Variants in CRYBB2 observed in about 807,000 individuals in gnomAD.
CRYBB2 encodes the protein beta-crystallin B2.
CRYBB2 carries 12 observed loss-of-function variants against 24.3 expected under a neutral mutation model. The observed-to-expected ratio is 0.49, with a 90% CI of 0.32 to 0.80. The LOEUF (loss-of-function observed/expected upper bound fraction) is 0.80. CRYBB2 is among the 30% of genes least tolerant of loss of function. The pLI is 0.04. For synonymous variants in CRYBB2, 98 were observed against 101.6 expected, an observed-to-expected ratio of 0.96 and a Z score of 0.21; for missense variants, 198 against 268.5, an observed-to-expected ratio of 0.74 and a Z score of 1.83.
chr22:25,218,778 A>AAAGAAAG, upstream of CRYBB2, among the ~76,000 whole-genome samples: 1 of 23,728 alleles, frequency 4.2e-5, no homozygotes, highest in East Asian at 1.4e-3. Flanking sequence ...AGAGAGAGAG[A>AAAGAAAG]GAAGAAAGAA....
At chr22:25,221,596 C>T in intron 2 of CRYBB2, 113 bp downstream of exon 2, 1 of 763,788 alleles carries the variant, frequency 1.3e-6, no homozygotes, top group Non-Finnish European at 2.3e-6. Flanking sequence ...CGACCCCTGC[C>T]CCTCTCTGGG....
chr22:25,224,608 A>G (rs993397126), intron 2 of CRYBB2, among the ~76,000 whole-genome samples: 1 of 151,968 alleles, frequency 6.6e-6, no homozygotes, highest in Non-Finnish European at 1.5e-5. Context: ...GGCTCAAGCA[A>G]TCCTCCCACC....
At chr22:25,218,702 GA>G (rs1569015768), upstream of CRYBB2, among the ~76,000 whole-genome samples, 8 of 47,210 alleles carry the variant, frequency 1.7e-4, no homozygotes, top group African/African-American at 1.2e-3. Context: ...GAGAGAGAGA[GA>G]GGGGGAGAGA....
intron 3 of CRYBB2, among the ~76,000 whole-genome samples, chr22:25,226,166 CTCTGTG>C (rs1377063102): frequency 3.0e-5 from 3 of 99,992 alleles, no homozygotes; most frequent in Non-Finnish European, 4.1e-5. Flanking sequence ...ATTTGGATTT[CTCTGTG>C]TGTGTGTGTG....
upstream of CRYBB2, among the ~76,000 whole-genome samples, chr22:25,218,812 A>AAGAAAGAAAGAAAG (rs1935262755): frequency 7.5e-6 from 1 of 133,160 alleles, no homozygotes; most frequent in African/African-American, 3.0e-5. Flanking sequence ...GAAAGAAAGA[A>AAGAAAGAAAGAAAG]AGAAAGAAAG....
intron 3 of CRYBB2, among the ~76,000 whole-genome samples, chr22:25,227,384 A>T (rs1935438436): frequency 6.6e-6 from 1 of 152,002 alleles, no homozygotes; most frequent in Non-Finnish European, 1.5e-5. Flanking sequence ...CTCAGTGGTG[A>T]AGGCTGACTG....
At chr22:25,213,501 CAG>C (rs1184763236) in intron 1 of CRYBB2, 1 of 152,206 alleles carries the variant, frequency 6.6e-6, no homozygotes, top group Non-Finnish European at 1.5e-5. Flanking sequence ...CTTTTCTCTA[CAG>C]AGTCACTCAG....
intron 2 of CRYBB2, 34 bp from the exon 3 acceptor site, chr22:25,224,884 G>C (rs200308122): frequency 3.4e-6 from 4 of 1,167,054 alleles, no homozygotes; most frequent in South Asian, 2.4e-5. Flanking sequence ...CCTCTTCATC[G>C]TGATGAGGGT....
intron 3 of CRYBB2, 69 bp downstream of exon 3, chr22:25,225,105 A>C: frequency 1.1e-6 from 1 of 876,044 alleles, no homozygotes; most frequent in South Asian, 1.3e-5. Flanking sequence ...GAGTGGGGGA[A>C]TCTACCCTTG....
chr22:25,229,259 A>G (rs1935489635), intron 4 of CRYBB2, among the ~76,000 whole-genome samples, 177 bp from the exon 5 acceptor site: 2 of 152,204 alleles, frequency 1.3e-5, no homozygotes, highest in Admixed American at 6.5e-5. Context: ...GGCCCAGTAG[A>G]AACTTAACAA....
chr22:25,229,330 A>T, intron 4 of CRYBB2, 106 bp from the exon 5 acceptor site: 2 of 1,518,472 alleles, frequency 1.3e-6, no homozygotes, highest in Middle Eastern at 2.3e-4. Context: ...GAAGAGAGTG[A>T]TGTGTGGGAC....
chr22:25,218,692 G>GAA (rs1216494971), upstream of CRYBB2, among the ~76,000 whole-genome samples: 2 of 61,048 alleles, frequency 3.3e-5, no homozygotes, highest in Non-Finnish European at 5.3e-5. Context: ...AAGAAAGAAA[G>GAA]AGAGAGAGAG....
intron 2 of CRYBB2, among the ~76,000 whole-genome samples, chr22:25,223,064 A>G (rs559308551): frequency 3.8e-4 from 58 of 152,316 alleles, no homozygotes; most frequent in Middle Eastern, 3.4e-3. Flanking sequence ...CTATTGATTA[A>G]TAACAACGCT....
chr22:25,218,009 C>T (rs1407161441), upstream of CRYBB2, among the ~76,000 whole-genome samples: 1 of 152,002 alleles, frequency 6.6e-6, no homozygotes, highest in Non-Finnish European at 1.5e-5. Context: ...CCTGTAATCC[C>T]AGCACTTTGG....
At chr22:25,221,299 A>G in intron 1 of CRYBB2, 105 bp from the exon 2 acceptor site, 1 of 761,594 alleles carries the variant, frequency 1.3e-6, no homozygotes, top group Non-Finnish European at 2.4e-6. Context: ...AAACCAGGAG[A>G]AAAAGAGAAT....
At chr22:25,230,358 G>C (rs990803854) in intron 5 of CRYBB2, among the ~76,000 whole-genome samples, 6 of 151,326 alleles carry the variant, frequency 4.0e-5, no homozygotes, top group Admixed American at 1.3e-4. Flanking sequence ...GGGTTTCACT[G>C]TGTTGGCCAG....
upstream of CRYBB2, among the ~76,000 whole-genome samples, chr22:25,218,779 G>GAGAGAGAGAGAGAAGAAAGAAAGA (rs1935251085): frequency 2.9e-5 from 1 of 34,514 alleles, no homozygotes; most frequent in Non-Finnish European, 5.3e-5. Context: ...GAGAGAGAGA[G>GAGAGAGAGAGAGAAGAAAGAAAGA]AAGAAAGAAA....
intron 5 of CRYBB2, 122 bp from the exon 6 acceptor site, chr22:25,231,482 T>C (rs900114786): frequency 4.3e-6 from 4 of 939,748 alleles, no homozygotes; most frequent in African/African-American, 3.2e-5. Flanking sequence ...GTGGCAATGG[T>C]TGGGAGGCTT....
At chr22:25,213,387 T>C (rs1294367378) in intron 1 of CRYBB2, 1 of 152,146 alleles carries the variant, frequency 6.6e-6, no homozygotes, top group Non-Finnish European at 1.5e-5. Flanking sequence ...TATGTATCTG[T>C]CAGGCTATGC....
Sources: gnomAD v4.1 joint callset for allele counts (sites outside exome capture counted in the v4.1 genomes callset) on GRCh38, gnomAD v4.1.1 for gene constraint, MANE v1.5 for transcripts, NCBI Gene and HGNC (gene_info 2026-07-23, HGNC 2026-07-21) for gene names.